UST: variants seen among roughly 807,000 people sequenced by gnomAD.
The protein encoded by UST is uronyl 2-sulfotransferase.
UST carries 21 observed loss-of-function variants against 45.6 expected under a neutral mutation model. The ratio of observed to expected loss-of-function variants is 0.46; its 90% CI spans 0.33 to 0.66. The LOEUF (loss-of-function observed/expected upper bound fraction) is 0.66. Ranked by LOEUF, UST falls within the 30% of genes least tolerant of loss-of-function variation. The pLI is 0.02. For missense variants in UST, 463 were observed against 512.4 expected (o/e 0.90, Z 0.93); for synonymous variants, 215 against 200.6 (o/e 1.07, Z -0.61).
intron 1 of UST, among the ~76,000 whole-genome samples, chr6:148,877,799 A>G (rs1179088872): frequency 1.4e-4 from 5 of 36,454 alleles, no homozygotes; most frequent in Admixed American, 3.9e-4. Context: ...TATGAGTGTG[A>G]GGGGTCATGT....
chr6:149,011,578 AG>A (rs1418415796), intron 5 of UST, among the ~76,000 whole-genome samples: 1 of 152,220 alleles, frequency 6.6e-6, no homozygotes, highest in Admixed American at 6.5e-5. Context: ...GGGGAGGCCA[AG>A]GAGGGTGGAT....
At chr6:148,779,063 T>C (rs1172139338) in intron 1 of UST, among the ~76,000 whole-genome samples, 1 of 151,744 alleles carries the variant, frequency 6.6e-6, no homozygotes, top group Non-Finnish European at 1.5e-5. Context: ...GCTGTGGGAC[T>C]TCTCTCTTTT....
intron 1 of UST, among the ~76,000 whole-genome samples, chr6:148,786,092 CTT>C (rs879766513): frequency 6.9e-6 from 1 of 145,594 alleles, no homozygotes. Context: ...CATGACAGAT[CTT>C]TTTTTTTTTT....
chr6:148,749,527 T>C (rs755744711), intron 1 of UST, among the ~76,000 whole-genome samples: 7 of 152,106 alleles, frequency 4.6e-5, no homozygotes, highest in Non-Finnish European at 7.4e-5. Context: ...GCCTGGTGTT[T>C]CATGGCAGAA....
chr6:148,844,425 A>G (rs1365902234), intron 1 of UST, among the ~76,000 whole-genome samples: 3 of 152,136 alleles, frequency 2.0e-5, no homozygotes, highest in Non-Finnish European at 4.4e-5. Flanking sequence ...TTAAGATAAA[A>G]TTTGCAGTAA....
intron 1 of UST, among the ~76,000 whole-genome samples, chr6:148,758,312 T>G (rs1049549029): frequency 1.3e-5 from 2 of 152,242 alleles, no homozygotes; most frequent in Non-Finnish European, 2.9e-5. Flanking sequence ...GCTTCTTCTC[T>G]TCTGCTTCCT....
chr6:148,871,117 C>CCTCTCTCTCTCT (rs749134391), intron 1 of UST, among the ~76,000 whole-genome samples: 16,575 of 97,410 alleles, frequency 0.17, 2,507 homozygotes, highest in Middle Eastern at 0.28. Flanking sequence ...GCATTCTCTC[C>CCTCTCTCTCTCT]CTCTCTCTCT....
intron 7 of UST, among the ~76,000 whole-genome samples, chr6:149,056,117 C>CTTTTTTTTTTTT (rs34191810): frequency 2.2e-4 from 18 of 81,064 alleles, no homozygotes; most frequent in African/African-American, 3.6e-4. Flanking sequence ...CTTTTCTTTT[C>CTTTTTTTTTTTT]TTTTTTTTTT....
intron 1 of UST, among the ~76,000 whole-genome samples, chr6:148,877,796 G>A (rs1778717155): frequency 7.2e-6 from 1 of 138,950 alleles, no homozygotes; most frequent in African/African-American, 2.7e-5. Flanking sequence ...GGGTATGAGT[G>A]TGAGGGGTCA....
At chr6:148,759,495 C>G (rs1462073395) in intron 1 of UST, among the ~76,000 whole-genome samples, 2 of 151,004 alleles carry the variant, frequency 1.3e-5, no homozygotes, top group Non-Finnish European at 2.9e-5. Flanking sequence ...CCACTGCACT[C>G]CAGCCCGGGC....
intron 1 of UST, among the ~76,000 whole-genome samples, chr6:148,811,848 C>T (rs554703411): frequency 5.9e-4 from 90 of 152,182 alleles, no homozygotes; most frequent in African/African-American, 2.1e-3. Flanking sequence ...TTAGTAAGCC[C>T]GAATTCAAAG....
At chr6:148,887,552 C>T (rs1282832935) in intron 2 of UST, among the ~76,000 whole-genome samples, 1 of 152,178 alleles carries the variant, frequency 6.6e-6, no homozygotes, top group Non-Finnish European at 1.5e-5. Context: ...CAGAATAATC[C>T]TTTAGTATAG....
At chr6:148,866,661 T>C (rs1397702730) in intron 1 of UST, among the ~76,000 whole-genome samples, 4 of 152,236 alleles carry the variant, frequency 2.6e-5, no homozygotes, top group African/African-American at 9.6e-5. Context: ...CTCTATTAGC[T>C]AGTATAACTT....
chr6:148,980,375 C>T (rs541994940), intron 5 of UST, among the ~76,000 whole-genome samples: 2 of 152,128 alleles, frequency 1.3e-5, no homozygotes, highest in South Asian at 2.1e-4. Context: ...TTCAACTCTC[C>T]CATACCTCCT....
At chr6:148,982,265 AT>A (rs1562320200) in intron 5 of UST, among the ~76,000 whole-genome samples, 1 of 151,966 alleles carries the variant, frequency 6.6e-6, no homozygotes, top group Non-Finnish European at 1.5e-5. Flanking sequence ...CACCTGGCTA[AT>A]TTTTTTATTT....
chr6:148,829,980 C>T (rs1467947487), intron 1 of UST, among the ~76,000 whole-genome samples: 2 of 152,304 alleles, frequency 1.3e-5, no homozygotes, highest in South Asian at 2.1e-4. Context: ...CATTTAAAAA[C>T]CACCAGGCAC....
At chr6:149,020,912 A>G (rs1027330623) in intron 6 of UST, among the ~76,000 whole-genome samples, 2 of 152,232 alleles carry the variant, frequency 1.3e-5, no homozygotes, top group Non-Finnish European at 2.9e-5. Context: ...CATAAATACT[A>G]TGTCGGTAAG....
chr6:148,967,905 G>A (rs1470854448), intron 5 of UST, among the ~76,000 whole-genome samples: 1 of 152,238 alleles, frequency 6.6e-6, no homozygotes, highest in East Asian at 1.9e-4. Context: ...CTCTGAGGAT[G>A]AAATAATATC....
chr6:148,984,508 T>G (rs552127447), intron 5 of UST, among the ~76,000 whole-genome samples: 1 of 152,224 alleles, frequency 6.6e-6, no homozygotes, highest in East Asian at 1.9e-4. Flanking sequence ...CATGACATGA[T>G]AGGATTTGCA....
Sources: gnomAD v4.1 joint callset for allele counts (sites outside exome capture counted in the v4.1 genomes callset) on GRCh38, gnomAD v4.1.1 for gene constraint, MANE v1.5 for transcripts, NCBI Gene and HGNC (gene_info 2026-07-23, HGNC 2026-07-21) for gene names.